BACH2: variants seen among roughly 807,000 people sequenced by gnomAD.
The protein encoded by BACH2 is BACH transcriptional regulator 2, also known as transcription regulator protein BACH2.
In BACH2, 5 loss-of-function variants were observed where a neutral mutation model predicts 61.8. The ratio of observed to expected loss-of-function variants is 0.08; its 90% CI spans 0.04 to 0.17. The LOEUF (loss-of-function observed/expected upper bound fraction) is 0.17, where lower values mean the gene tolerates loss of function less well. BACH2 is among the 10% of genes least tolerant of loss of function. The probability of loss-of-function intolerance (pLI) is 1.00; values close to 1 mark genes in which losing one functional copy is unlikely to be tolerated. For missense variants in BACH2, 824 were observed against 1,091.1 expected (o/e 0.76, Z 3.45); for synonymous variants, 446 against 440.1 (o/e 1.01, Z -0.17).
intron 6 of BACH2, among the ~76,000 whole-genome samples, chr6:89,970,097 G>T (rs1775277311): frequency 6.6e-6 from 1 of 152,216 alleles, no homozygotes; most frequent in Admixed American, 6.5e-5. Flanking sequence ...TAGATAAATA[G>T]GTGAAATTAT....
chr6:90,087,090 CA>C (rs1318990224), intron 5 of BACH2, among the ~76,000 whole-genome samples: 1 of 152,258 alleles, frequency 6.6e-6, no homozygotes, highest in Non-Finnish European at 1.5e-5. Context: ...AACATTTTAA[CA>C]TATACCTACT....
chr6:89,942,809 G>A (rs1386465980), intron 7 of BACH2, among the ~76,000 whole-genome samples: 1 of 152,184 alleles, frequency 6.6e-6, no homozygotes, highest in Non-Finnish European at 1.5e-5. Context: ...TGCCACAGTT[G>A]GCACAATAAG....
chr6:90,076,920 C>T (rs372264518), intron 5 of BACH2, among the ~76,000 whole-genome samples: 1 of 152,168 alleles, frequency 6.6e-6, no homozygotes, highest in East Asian at 1.9e-4. Context: ...TTCCCGTTTT[C>T]CGGAGGATTC....
Position 90,013,682 on chromosome 6 carries a change from G to C in BACH2, c.-12-4826C>G, listed in dbSNP as rs189689379. Among the ~76,000 whole-genome samples, 235 of 151,154 alleles carry C rather than the reference G, an allele frequency of 1.6e-3. 6 individuals are homozygous for C. Among genetic ancestry groups the C allele is most frequent in the Admixed American group, 0.013 (197 of 15,200 alleles). ...CCACCATGCCAGGCTAATTTTTTTT[G>C]TATTTTTAGTAGAGACAGGGTTTCA... On this transcript the variant is annotated intron_variant, in intron 5 of 8. Transcript: ENST00000257749.
intron 6 of BACH2, among the ~76,000 whole-genome samples, chr6:89,975,140 T>TTTGG (rs1554222383): frequency 6.3e-4 from 96 of 152,364 alleles, no homozygotes; most frequent in Admixed American, 9.1e-4. Flanking sequence ...TTCATGATGA[T>TTTGG]GTTTTCTGGG....
At chr6:90,094,070 T>C (rs1308935806) in intron 4 of BACH2, among the ~76,000 whole-genome samples, 2 of 152,222 alleles carry the variant, frequency 1.3e-5, no homozygotes, top group African/African-American at 2.4e-5. Flanking sequence ...TTGCATAATC[T>C]TAACCTTACT....
chr6:90,257,413 T>A (rs1475353069), intron 2 of BACH2, among the ~76,000 whole-genome samples: 1 of 152,180 alleles, frequency 6.6e-6, no homozygotes, highest in Non-Finnish European at 1.5e-5. Context: ...ATAACAGCCA[T>A]CCTAACAGTT....
chr6:90,215,501 G>C (rs546040264), intron 3 of BACH2, among the ~76,000 whole-genome samples: 2 of 152,066 alleles, frequency 1.3e-5, no homozygotes, highest in South Asian at 4.1e-4. Flanking sequence ...TTTAAAGCTC[G>C]TATGTACTTG....
At chr6:89,972,300 A>C (rs1775406648) in intron 6 of BACH2, among the ~76,000 whole-genome samples, 1 of 152,158 alleles carries the variant, frequency 6.6e-6, no homozygotes, top group Admixed American at 6.5e-5. Context: ...CCAGTCACAG[A>C]AGTCCAGGCA....
chr6:89,942,653 C>G (rs1773502590), intron 7 of BACH2, among the ~76,000 whole-genome samples: 1 of 152,148 alleles, frequency 6.6e-6, no homozygotes, highest in African/African-American at 2.4e-5. Context: ...GACACACAGG[C>G]TGCATATAAG....
At chr6:90,141,906 C>A (rs1307392793) in intron 4 of BACH2, among the ~76,000 whole-genome samples, 3 of 152,184 alleles carry the variant, frequency 2.0e-5, no homozygotes, top group East Asian at 1.9e-4. Context: ...CATGGCAAAA[C>A]CCTGTCTCTA....
chr6:90,165,413 C>T (rs1193350142), intron 4 of BACH2, among the ~76,000 whole-genome samples: 1 of 149,054 alleles, frequency 6.7e-6, no homozygotes, highest in Admixed American at 6.7e-5. Flanking sequence ...AAAGAGGATA[C>T]AAACAAATGG....
intron 4 of BACH2, among the ~76,000 whole-genome samples, chr6:90,196,047 C>G (rs1052005038): frequency 2.6e-5 from 4 of 151,882 alleles, no homozygotes; most frequent in Admixed American, 6.6e-5. Flanking sequence ...GGAGTTTTGA[C>G]TTTAGGTAAC....
intron 5 of BACH2, among the ~76,000 whole-genome samples, chr6:90,055,816 T>C (rs1022815924): frequency 5.9e-5 from 9 of 152,152 alleles, no homozygotes; most frequent in African/African-American, 9.7e-5. Flanking sequence ...GGGACCAATA[T>C]TCAACATTCT....
chr6:90,164,092 C>T (rs565981711), intron 4 of BACH2, among the ~76,000 whole-genome samples: 6 of 152,046 alleles, frequency 3.9e-5, no homozygotes, highest in Non-Finnish European at 8.8e-5. Flanking sequence ...AACAGAGACA[C>T]AAAAAACCTT....
chr6:90,125,596 C>T (rs1783815060), intron 4 of BACH2, among the ~76,000 whole-genome samples: 1 of 152,186 alleles, frequency 6.6e-6, no homozygotes, highest in African/African-American at 2.4e-5. Context: ...TGTAAAACTG[C>T]TTCTCTGCTC....
At chr6:89,962,269 C>G (rs1313638612) in intron 6 of BACH2, among the ~76,000 whole-genome samples, 1 of 152,158 alleles carries the variant, frequency 6.6e-6, no homozygotes, top group Non-Finnish European at 1.5e-5. Flanking sequence ...GGCTTCCTTT[C>G]CCTTTTCCAA....
intron 6 of BACH2, among the ~76,000 whole-genome samples, chr6:89,979,301 T>A (rs1775825834): frequency 6.6e-6 from 1 of 152,226 alleles, no homozygotes; most frequent in Non-Finnish European, 1.5e-5. Flanking sequence ...ATCTCTTTCA[T>A]TTATTTGACA....
At chr6:90,295,735 C>G (rs1021430578) in intron 1 of BACH2, among the ~76,000 whole-genome samples, 1 of 152,216 alleles carries the variant, frequency 6.6e-6, no homozygotes, top group East Asian at 1.9e-4. Context: ...CAAGGTTTCC[C>G]TCTCAGAAGC....
Sources: gnomAD v4.1 joint callset for allele counts (sites outside exome capture counted in the v4.1 genomes callset) on GRCh38, gnomAD v4.1.1 for gene constraint, MANE v1.5 for transcripts, NCBI Gene and HGNC (gene_info 2026-07-23, HGNC 2026-07-21) for gene names.